The following ANXA4 variants were observed in gnomAD, a reference collection of about 807,000 sequenced individuals.
ANXA4 encodes 35-beta calcimedin.
ANXA4 carries 39 observed loss-of-function variants against 49.8 expected under a neutral mutation model. The ratio of observed to expected loss-of-function variants is 0.78; its 90% CI spans 0.61 to 1.02. The LOEUF is 1.02. Ranked by LOEUF, ANXA4 falls within the 50% of genes least tolerant of loss-of-function variation. ANXA4 has a pLI of 0.00. For missense variants in ANXA4, 360 were observed against 410.1 expected, an observed-to-expected ratio of 0.88 and a Z score of 1.05; for synonymous variants, 134 against 152.5, an observed-to-expected ratio of 0.88 and a Z score of 0.89.
chr2:69,811,658 A>G (rs1673707850), intron 7 of ANXA4, among the ~76,000 whole-genome samples: 1 of 152,118 alleles, frequency 6.6e-6, no homozygotes, highest in African/African-American at 2.4e-5. Flanking sequence ...ATATTCTACT[A>G]TACCCTTAAT....
At chr2:69,781,396 C>G in intron 1 of ANXA4, 124 bp from the exon 2 acceptor site, 2 of 754,648 alleles carry the variant, frequency 2.7e-6, no homozygotes, top group African/African-American at 3.5e-5. Flanking sequence ...AGTAACTGGC[C>G]TTTTGATTAA....
intron 2 of ANXA4, among the ~76,000 whole-genome samples, chr2:69,684,932 CT>C: frequency 6.6e-6 from 1 of 152,242 alleles, no homozygotes; most frequent in East Asian, 1.9e-4. Flanking sequence ...GAGCCCAAAG[CT>C]GCTCCAAGTG....
In ANXA4 at chr2:69,656,699, G is replaced by A. The variant is rs549900142; in HGVS notation, n.766+3417G>A. Reference sequence around the variant, plus strand: ...TGAGTAACTGAGACTACAGGCATGCGCCACCACACCCAACTAATTTTTGTA... The same window carrying A: ...TGAGTAACTGAGACTACAGGCATGCACCACCACACCCAACTAATTTTTGTA... On this transcript the variant is annotated intron_variant and non_coding_transcript_variant, in intron 2 of 3. Transcript: ENST00000418066. 1.3e-4 allele frequency among the ~76,000 whole-genome samples: 20 copies of A among 150,930 alleles called. No homozygotes were observed. In the East Asian group the frequency reaches 1.6e-3, roughly 12 times the overall value.
intron 1 of ANXA4, among the ~76,000 whole-genome samples, chr2:69,762,391 A>G (rs1236722090): frequency 1.6e-5 from 2 of 126,394 alleles, no homozygotes; most frequent in Non-Finnish European, 3.0e-5. Context: ...GTCTAGGGGA[A>G]AAAAAAAAAA....
chr2:69,809,811 C>T (rs1024389211), intron 6 of ANXA4: 6 of 152,158 alleles, frequency 3.9e-5, no homozygotes, highest in African/African-American at 1.2e-4. Context: ...GTCAGAACCT[C>T]CCAAGTGAGA....
intron 1 of ANXA4, among the ~76,000 whole-genome samples, chr2:69,647,684 C>T (rs1676062148): frequency 6.6e-6 from 1 of 151,908 alleles, no homozygotes; most frequent in African/African-American, 2.4e-5. Flanking sequence ...GCTGGGATTA[C>T]AGGCATGAGC....
intron 2 of ANXA4, among the ~76,000 whole-genome samples, chr2:69,710,523 G>A (rs1449311059): frequency 6.6e-6 from 1 of 150,670 alleles, no homozygotes; most frequent in Non-Finnish European, 1.5e-5. Flanking sequence ...GACTCTGTCT[G>A]TATTTCAGAT....
chr2:69,661,987 C>T (rs1676740854), intron 2 of ANXA4, among the ~76,000 whole-genome samples: 1 of 152,072 alleles, frequency 6.6e-6, no homozygotes, highest in Admixed American at 6.5e-5. Context: ...CTAAGGTTGC[C>T]TAAAAAACCA....
At chr2:69,762,985 T>C (rs1671359281) in intron 1 of ANXA4, among the ~76,000 whole-genome samples, 1 of 152,242 alleles carries the variant, frequency 6.6e-6, no homozygotes, top group Non-Finnish European at 1.5e-5. Flanking sequence ...TCCTAGTCTT[T>C]TCCATTGTGT....
intron 1 of ANXA4, among the ~76,000 whole-genome samples, chr2:69,651,712 C>G (rs1234085808): frequency 6.7e-6 from 1 of 150,122 alleles, no homozygotes; most frequent in East Asian, 2.0e-4. Flanking sequence ...CCATGTTAGT[C>G]AAGATGGTCT....
At chr2:69,741,354 A>C (rs979937978), upstream of ANXA4, among the ~76,000 whole-genome samples, 1 of 152,228 alleles carries the variant, frequency 6.6e-6, no homozygotes, top group South Asian at 2.1e-4. Context: ...TGCGTCCAGC[A>C]GGGGAAGCAG....
intron 2 of ANXA4, among the ~76,000 whole-genome samples, chr2:69,785,224 T>A (rs561916068): frequency 3.9e-5 from 6 of 152,286 alleles, no homozygotes; most frequent in Non-Finnish European, 8.8e-5. Context: ...AGGACTTGGA[T>A]GGGCTTGATG....
At position 69,768,232 on chromosome 2, in the gene ANXA4, A is replaced by G. The variant is rs370420857; in HGVS notation, c.-46-13288A>G. 9.2e-5 allele frequency among the ~76,000 whole-genome samples: 14 copies of G among 152,342 alleles called. No individual in the cohort carries two copies. In the East Asian group the frequency reaches 2.7e-3, roughly 29 times the overall value. ...AAATGATATAATAGTGACAAAACAC[A>G]TAAGCATTCAGTACAACTAGCTCAA... On this transcript the variant is annotated intron_variant, in intron 1 of 12. Coordinates refer to ENST00000394295, the MANE Select transcript of ANXA4 (RefSeq NM_001153.5).
At chr2:69,773,621 CTTTTTTTTT>C (rs67161210) in intron 1 of ANXA4, among the ~76,000 whole-genome samples, 22 of 93,058 alleles carry the variant, frequency 2.4e-4, no homozygotes, top group African/African-American at 3.5e-4. Flanking sequence ...TTCTTTCCTT[CTTTTTTTTT>C]TTTTTTTTTT....
At chr2:69,789,009 T>C (rs1672554613) in intron 3 of ANXA4, among the ~76,000 whole-genome samples, 1 of 152,166 alleles carries the variant, frequency 6.6e-6, no homozygotes, top group African/African-American at 2.4e-5. Flanking sequence ...AAATTTAATA[T>C]ACTCATTATG....
At chr2:69,730,828 TG>T (rs1381687093) in intron 3 of ANXA4, among the ~76,000 whole-genome samples, 1 of 152,228 alleles carries the variant, frequency 6.6e-6, no homozygotes, top group Non-Finnish European at 1.5e-5. Flanking sequence ...TGCTTGATAA[TG>T]ACCCATTAGC....
intron 2 of ANXA4, among the ~76,000 whole-genome samples, chr2:69,659,746 CTT>C (rs1181889403): frequency 3.3e-5 from 5 of 152,134 alleles, no homozygotes; most frequent in African/African-American, 1.2e-4. Flanking sequence ...CATGATGAGA[CTT>C]TAAATGTAGA....
chr2:69,688,993 G>C (rs941175108), intron 2 of ANXA4, among the ~76,000 whole-genome samples: 1 of 152,132 alleles, frequency 6.6e-6, no homozygotes, highest in Admixed American at 6.6e-5. Context: ...GGGCTTTTTA[G>C]TAGAAAGAAT....
intron 8 of ANXA4, among the ~76,000 whole-genome samples, chr2:69,813,236 A>C (rs887324835): frequency 6.7e-6 from 1 of 150,240 alleles, no homozygotes; most frequent in African/African-American, 2.5e-5. Context: ...CAGGTACCAA[A>C]CACTGTTCTA....
Sources: allele counts gnomAD v4.1 joint callset (sites outside exome capture counted in the v4.1 genomes callset), GRCh38; gene constraint gnomAD v4.1.1; transcripts MANE v1.5; gene names NCBI Gene and HGNC (gene_info 2026-07-23, HGNC 2026-07-21).